HELLS: variants seen among roughly 807,000 people sequenced by gnomAD.
HELLS encodes the protein helicase, lymphoid specific.
Under a neutral mutation model 120.0 loss-of-function variants are expected in HELLS, and 32 were observed. That is an observed-to-expected ratio of 0.27 (90% confidence interval 0.20 to 0.36). The LOEUF (loss-of-function observed/expected upper bound fraction) is 0.36. Among genes scored for constraint, HELLS ranks in the 10% least tolerant of loss-of-function variants. The probability of loss-of-function intolerance (pLI) is 1.00; values close to 1 mark genes in which losing one functional copy is unlikely to be tolerated. For missense variants in HELLS, 650 were observed against 993.4 expected (o/e 0.65, Z 4.65); for synonymous variants, 341 against 323.4 (o/e 1.05, Z -0.58).
At chr10:94,573,780 T>G (rs1844299901) in intron 7 of HELLS, among the ~76,000 whole-genome samples, 180 bp from the exon 8 acceptor site, 1 of 151,880 alleles carries the variant, frequency 6.6e-6, no homozygotes, top group Non-Finnish European at 1.5e-5. Context: ...TTTTTTTTAG[T>G]AGCTTTTCAT....
At chr10:94,559,824 G>A (rs1843462833) in intron 4 of HELLS, among the ~76,000 whole-genome samples, 1 of 152,116 alleles carries the variant, frequency 6.6e-6, no homozygotes, top group Non-Finnish European at 1.5e-5. Context: ...ACAGGGTTGT[G>A]TATCGTTTGG....
chr10:94,612,233 G>A (rs749316871), exon 10 of HELLS: 3 of 152,116 alleles, frequency 2.0e-5, no homozygotes, highest in African/African-American at 4.8e-5. Context: ...GTAAAAAAAA[G>A]AAAGCTTTGG....
intron 12 of HELLS, among the ~76,000 whole-genome samples, chr10:94,585,463 C>T (rs1399644496): frequency 2.1e-5 from 3 of 141,444 alleles, no homozygotes; most frequent in Non-Finnish European, 4.5e-5. Context: ...GTGCAGTGAG[C>T]GTCTGCCTCC....
intron 4 of HELLS, among the ~76,000 whole-genome samples, chr10:94,562,003 G>C (rs1313634199): frequency 6.6e-6 from 1 of 151,156 alleles, no homozygotes; most frequent in African/African-American, 2.4e-5. Flanking sequence ...GGATGGTCGT[G>C]ATCTCCTGAC....
At position 94,598,686 on chromosome 10, in the gene HELLS, T is replaced by C. The variant is rs372501266; in HGVS notation, c.2422+1575T>C. ...TGGCCTGTCTCTTCACTTACTTACT[T>C]AGTATCTTCTGAAGAGCAAAAGTTT... On this transcript the variant is annotated intron_variant, in intron 21 of 21. Transcript: ENST00000348459. 5.3e-5 allele frequency among the ~76,000 whole-genome samples: 8 copies of C among 152,012 alleles called. No individual in the cohort carries two copies. The East Asian group carries it at 7.7e-4, about 15-fold the overall frequency.
chr10:94,553,308 G>A (rs1843075251), intron 2 of HELLS, among the ~76,000 whole-genome samples: 1 of 151,614 alleles, frequency 6.6e-6, no homozygotes, highest in African/African-American at 2.4e-5. Context: ...GAGTGCAGTG[G>A]TGCCATCTCA....
Position 94,545,991 on chromosome 10 carries a change from G to T in HELLS, c.31+39G>T, listed in dbSNP as rs771169924. On this transcript the variant is annotated intron_variant, in intron 1 of 21. Transcript: ENST00000348459. ...ACCTTTTGGGCGCGGGTGGCAGCCT[G>T]CGGGGCTGAGGTGGGCAAGCATGGA... is the stretch of plus-strand genomic sequence containing the variant. 5.8e-6 allele frequency: 9 copies of T among 1,552,118 alleles called. No individual in the cohort carries two copies. The African/African-American group carries it at 1.1e-4, about 19-fold the overall frequency.
exon 10 of HELLS, chr10:94,612,764 AAAAC>A (rs1846206987): frequency 6.6e-6 from 1 of 152,174 alleles, no homozygotes; most frequent in Non-Finnish European, 1.5e-5. Context: ...CGTCTCCACT[AAAAC>A]AAAAAGTTTT....
chr10:94,574,844 T>C (rs1158710568), intron 9 of HELLS, 108 bp downstream of exon 9: 3 of 859,468 alleles, frequency 3.5e-6, no homozygotes, highest in East Asian at 2.6e-5. Flanking sequence ...GGTTTCTGTA[T>C]AAATATTTTG....
downstream of HELLS, among the ~76,000 whole-genome samples, chr10:94,603,610 C>T (rs1318750258): frequency 6.6e-6 from 1 of 152,178 alleles, no homozygotes; most frequent in Non-Finnish European, 1.5e-5. Context: ...ATTCCAGATT[C>T]ACATATCCGA....
intron 3 of HELLS, among the ~76,000 whole-genome samples, chr10:94,555,285 A>G (rs1358754892): frequency 2.0e-5 from 3 of 152,012 alleles, no homozygotes; most frequent in African/African-American, 7.2e-5. Flanking sequence ...AAAAATATAA[A>G]AATTAGCCGG....
At chr10:94,587,131 A>G (rs1845205018) in intron 12 of HELLS, among the ~76,000 whole-genome samples, 3 of 152,168 alleles carry the variant, frequency 2.0e-5, no homozygotes, top group Admixed American at 2.0e-4. Flanking sequence ...AGCTAATGAA[A>G]GAGAATAATT....
At chr10:94,579,385 T>G (rs1379966388) in intron 10 of HELLS, among the ~76,000 whole-genome samples, 3 of 151,738 alleles carry the variant, frequency 2.0e-5, no homozygotes, top group Non-Finnish European at 4.4e-5. Context: ...GTATTTCTAG[T>G]AGAGATGGGG....
downstream of HELLS, among the ~76,000 whole-genome samples, chr10:94,605,223 C>T (rs1272030195): frequency 2.0e-5 from 3 of 151,962 alleles, no homozygotes; most frequent in Admixed American, 6.6e-5. Context: ...GCTAGAATTA[C>T]AAGCGCCCAC....
chr10:94,594,327 C>A, intron 18 of HELLS, among the ~76,000 whole-genome samples: 1 of 152,036 alleles, frequency 6.6e-6, no homozygotes, highest in East Asian at 1.9e-4. Flanking sequence ...GTAGCTGGGT[C>A]TATGGGTGTG....
chr10:94,601,936 T>A lies in HELLS; in HGVS notation c.*314T>A, dbSNP rs762852764. 31 of 172,586 alleles carry A rather than the reference T, an allele frequency of 1.8e-4. No homozygotes were observed. The highest frequency in any genetic ancestry group is 3.4e-4 in the Non-Finnish European group (28 of 81,540). The allele number at this position is 172,586 out of a possible 1,614,324, so 10.7% of individuals were successfully genotyped here. A position where few individuals can be genotyped will look rare whatever the true frequency, so the allele number is the denominator to read the frequency against. On this transcript the variant is annotated 3_prime_UTR_variant, in exon 22 of 22. Coordinates refer to ENST00000348459, the MANE Select transcript of HELLS (RefSeq NM_018063.5). Reference sequence around the variant, plus strand: ...GTTTAGTAAATGTCTTTTTCCCTCCTTTCTTCTAGTAATGCAGTTCATGGG... The same window carrying A: ...GTTTAGTAAATGTCTTTTTCCCTCCATTCTTCTAGTAATGCAGTTCATGGG...
downstream of HELLS, among the ~76,000 whole-genome samples, chr10:94,605,056 T>A (rs1372885747): frequency 1.4e-5 from 2 of 147,336 alleles, no homozygotes; most frequent in African/African-American, 5.1e-5. Flanking sequence ...AATTACTGTT[T>A]ACTGTGTCTT....
intron 12 of HELLS, among the ~76,000 whole-genome samples, chr10:94,585,232 T>C (rs1306137782): frequency 6.6e-6 from 1 of 151,802 alleles, no homozygotes; most frequent in African/African-American, 2.4e-5. Context: ...TTTAAAATTA[T>C]GCGTACACGG....
intron 12 of HELLS, among the ~76,000 whole-genome samples, chr10:94,584,783 T>C (rs746344279): frequency 6.6e-6 from 1 of 152,152 alleles, no homozygotes; most frequent in Non-Finnish European, 1.5e-5. Context: ...ACTTCAGATT[T>C]CCATTAATAT....
Sources: gnomAD v4.1 joint callset for allele counts (sites outside exome capture counted in the v4.1 genomes callset) on GRCh38, gnomAD v4.1.1 for gene constraint, MANE v1.5 for transcripts, NCBI Gene and HGNC (gene_info 2026-07-23, HGNC 2026-07-21) for gene names.